The following SH3BGRL2 variants were observed in gnomAD, a reference collection of about 807,000 sequenced individuals.
The protein encoded by SH3BGRL2 is SH3 domain-binding glutamic acid-rich-like protein 2.
Under a neutral mutation model 14.8 loss-of-function variants are expected in SH3BGRL2, and 21 were observed. The ratio of observed to expected loss-of-function variants is 1.42; its 90% CI spans 1.01 to 2.05. SH3BGRL2 has a LOEUF of 2.05. SH3BGRL2 is among the 30% of genes most tolerant of loss of function. SH3BGRL2 has a pLI of 0.00. For missense variants in SH3BGRL2, 147 were observed against 130.8 expected, an observed-to-expected ratio of 1.12 and a Z score of -0.61; for synonymous variants, 50 against 47.8, an observed-to-expected ratio of 1.05 and a Z score of -0.19.
chr6:79,544,055 C>A, the SH3BGRL2 span, among the ~76,000 whole-genome samples: 1 of 152,088 alleles, frequency 6.6e-6, no homozygotes, highest in Non-Finnish European at 1.5e-5. Flanking sequence ...TTCAAACTAC[C>A]CTGCAGGGGA....
the SH3BGRL2 span, among the ~76,000 whole-genome samples, chr6:79,625,413 C>T: frequency 1.3e-5 from 2 of 152,018 alleles, no homozygotes; most frequent in Admixed American, 1.3e-4. Flanking sequence ...TAGATAAATT[C>T]TCTTTTTATG....
the SH3BGRL2 span, among the ~76,000 whole-genome samples, chr6:79,577,474 A>G: frequency 6.6e-6 from 1 of 152,194 alleles, no homozygotes; most frequent in Non-Finnish European, 1.5e-5. Flanking sequence ...AATTTTCTAG[A>G]TATTTATCCT....
intron 1 of SH3BGRL2, among the ~76,000 whole-genome samples, chr6:79,672,450 T>C (rs1385634129): frequency 6.6e-6 from 1 of 152,182 alleles, no homozygotes; most frequent in Non-Finnish European, 1.5e-5. Flanking sequence ...AGTCTACATA[T>C]AGTTCTGCTG....
intron 1 of SH3BGRL2, among the ~76,000 whole-genome samples, chr6:79,667,002 G>A (rs1206112522): frequency 6.6e-6 from 1 of 152,204 alleles, no homozygotes; most frequent in Non-Finnish European, 1.5e-5. Context: ...GCCCATTACT[G>A]CTTAGGCCTT....
chr6:79,597,514 C>A, the SH3BGRL2 span, among the ~76,000 whole-genome samples: 1 of 151,824 alleles, frequency 6.6e-6, no homozygotes, highest in Non-Finnish European at 1.5e-5. Context: ...GATAATTCAA[C>A]GAGAAAAAAA....
At chr6:79,629,371 T>C (rs2655684), upstream of SH3BGRL2, among the ~76,000 whole-genome samples, 106,636 of 151,988 alleles carry the variant, frequency 0.7, 37,795 homozygotes, top group East Asian at 0.94. Context: ...TTGCTTGGCT[T>C]AGGTGCTCAC....
chr6:79,611,009 A>G, the SH3BGRL2 span, among the ~76,000 whole-genome samples: 2 of 152,238 alleles, frequency 1.3e-5, no homozygotes, highest in African/African-American at 4.8e-5. Flanking sequence ...GTTTTCCCAC[A>G]TGTAAAAGTA....
At chr6:79,691,359 TTTA>T (rs955596597) in intron 2 of SH3BGRL2, among the ~76,000 whole-genome samples, 26 of 152,056 alleles carry the variant, frequency 1.7e-4, no homozygotes, top group Admixed American at 1.0e-3. Context: ...TTTTTTAAAT[TTTA>T]TTATTATTAT....
At chr6:79,670,850 T>C (rs1411592744) in intron 1 of SH3BGRL2, among the ~76,000 whole-genome samples, 1 of 152,190 alleles carries the variant, frequency 6.6e-6, no homozygotes, top group Non-Finnish European at 1.5e-5. Context: ...AGGCACCATA[T>C]CTGCGTTTCT....
intron 2 of SH3BGRL2, among the ~76,000 whole-genome samples, chr6:79,680,758 A>G (rs1381309650): frequency 6.6e-6 from 1 of 151,986 alleles, no homozygotes; most frequent in Non-Finnish European, 1.5e-5. Flanking sequence ...CATGTTTTGT[A>G]GTTTTCAGTG....
chr6:79,671,124 T>TA lies in SH3BGRL2; in HGVS notation c.46-2480dup, dbSNP rs887087063. On this transcript the variant is annotated intron_variant, in intron 1 of 3. Coordinates refer to ENST00000369838, the MANE Select transcript of SH3BGRL2 (RefSeq NM_031469.4). ...TGTTTTGCTTCCAAGGGTGTTTAAG[T>TA]AAAAAAAAAACCAGGTGAGTTGAAG... Among the ~76,000 whole-genome samples the TA allele has an allele frequency of 2.9e-4, 43 of 148,424 alleles. 1 individual carries two copies. Among genetic ancestry groups the TA allele is most frequent in the Admixed American group, 1.7e-3 (25 of 14,894 alleles).
the SH3BGRL2 span, among the ~76,000 whole-genome samples, chr6:79,625,769 C>A: frequency 1.3e-5 from 2 of 152,156 alleles, no homozygotes; most frequent in African/African-American, 4.8e-5. Context: ...CTCTATTAAG[C>A]CTTGCAACAG....
intron 1 of SH3BGRL2, among the ~76,000 whole-genome samples, chr6:79,640,619 C>G (rs1216994358): frequency 6.6e-6 from 1 of 151,906 alleles, no homozygotes; most frequent in East Asian, 1.9e-4. Context: ...TGGCAGAACT[C>G]CAAGGGGTTG....
the SH3BGRL2 span, among the ~76,000 whole-genome samples, chr6:79,588,750 A>C: frequency 1.3e-5 from 2 of 149,640 alleles, no homozygotes; most frequent in African/African-American, 4.9e-5. Context: ...CTGTATCATA[A>C]ATAAAGAAAA....
chr6:79,693,928 A>C (rs1202276555), intron 2 of SH3BGRL2, among the ~76,000 whole-genome samples: 2 of 152,182 alleles, frequency 1.3e-5, no homozygotes, highest in Non-Finnish European at 2.9e-5. Context: ...AGGGATATAT[A>C]AACTAGTGGT....
chr6:79,557,240 T>C, the SH3BGRL2 span, among the ~76,000 whole-genome samples: 13 of 151,854 alleles, frequency 8.6e-5, no homozygotes, highest in South Asian at 2.7e-3. Flanking sequence ...TTAAAGAGTT[T>C]CTGCAATTTA....
At chr6:79,650,693 A>G (rs1232704649) in intron 1 of SH3BGRL2, among the ~76,000 whole-genome samples, 1 of 152,058 alleles carries the variant, frequency 6.6e-6, no homozygotes, top group African/African-American at 2.4e-5. Context: ...GCATCAAGAC[A>G]TCCTTGAGGG....
intron 2 of SH3BGRL2, among the ~76,000 whole-genome samples, chr6:79,688,730 T>A (rs1770150404): frequency 6.6e-6 from 1 of 152,156 alleles, no homozygotes; most frequent in Admixed American, 6.5e-5. Context: ...GATTTTTTTA[T>A]TTTATTTAAG....
intron 1 of SH3BGRL2, among the ~76,000 whole-genome samples, chr6:79,642,109 G>T (rs1182157917): frequency 6.6e-6 from 1 of 152,058 alleles, no homozygotes; most frequent in East Asian, 1.9e-4. Context: ...GTCAGCCCTT[G>T]GTATCTGTGG....
Sources: allele counts gnomAD v4.1 joint callset (sites outside exome capture counted in the v4.1 genomes callset), GRCh38; gene constraint gnomAD v4.1.1; transcripts MANE v1.5; gene names NCBI Gene and HGNC (gene_info 2026-07-23, HGNC 2026-07-21).